The following THSD4 variants were observed in gnomAD, a reference collection of about 807,000 sequenced individuals.
THSD4 encodes thrombospondin type-1 domain-containing protein 4.
Under a neutral mutation model 119.0 loss-of-function variants are expected in THSD4, and 69 were observed. The ratio of observed to expected loss-of-function variants is 0.58; its 90% CI spans 0.48 to 0.71. THSD4 has a LOEUF of 0.71. Among genes scored for constraint, THSD4 ranks in the 30% least tolerant of loss-of-function variants. The pLI is 0.00. For missense variants in THSD4, 1,393 were observed against 1,391.1 expected (o/e 1.00, Z -0.02); for synonymous variants, 524 against 540.4 (o/e 0.97, Z 0.42).
chr15:71,680,581 G>A (rs2051752560), intron 8 of THSD4, among the ~76,000 whole-genome samples: 1 of 152,196 alleles, frequency 6.6e-6, no homozygotes, highest in Non-Finnish European at 1.5e-5. Flanking sequence ...ACAAAATCGT[G>A]CATGGCTAGG....
chr15:71,524,494 C>T (rs28579742), intron 7 of THSD4, among the ~76,000 whole-genome samples: 9,080 of 150,538 alleles, frequency 0.06, 883 homozygotes, highest in African/African-American at 0.21. Context: ...CAGGAGGCTG[C>T]GCAGGAAAGA....
intron 7 of THSD4, among the ~76,000 whole-genome samples, chr15:71,466,131 C>T (rs190854261): frequency 3.3e-5 from 5 of 151,880 alleles, no homozygotes; most frequent in East Asian, 1.9e-4. Context: ...GGGTGGATCA[C>T]GAGGTCAGGA....
At chr15:71,754,915 G>A (rs1460736690) in intron 14 of THSD4, among the ~76,000 whole-genome samples, 1 of 152,190 alleles carries the variant, frequency 6.6e-6, no homozygotes, top group Non-Finnish European at 1.5e-5. Flanking sequence ...GGGGCTTCTA[G>A]GGACAGTAAA....
At chr15:71,497,613 ACTT>A (rs1257560148) in intron 7 of THSD4, among the ~76,000 whole-genome samples, 1 of 152,042 alleles carries the variant, frequency 6.6e-6, no homozygotes, top group Non-Finnish European at 1.5e-5. Context: ...TGTAGTGCCT[ACTT>A]CTTTGTTCAA....
rs543912832 is a variant in THSD4, at chr15:71,218,646, C to T, written c.464+3247C>T. Among the ~76,000 whole-genome samples the T allele has an allele frequency of 6.2e-4, 95 of 152,236 alleles. 2 individuals carry two copies. In the South Asian group the frequency reaches 0.015, roughly 24 times the overall value. ...CTGCCTACATATGTCATGCTCCTCC[C>T]GGCTGATGAAAATCACATTTGCTTA... On this transcript the variant is annotated intron_variant, in intron 4 of 17. Transcript: ENST00000261862.
chr15:71,506,411 A>G (rs1191314848), intron 7 of THSD4, among the ~76,000 whole-genome samples: 3 of 152,166 alleles, frequency 2.0e-5, no homozygotes, highest in Admixed American at 6.5e-5. Context: ...TGTACTGTCA[A>G]GAGGAGCTTG....
At chr15:71,373,070 C>G (rs2046078911) in intron 6 of THSD4, among the ~76,000 whole-genome samples, 2 of 152,212 alleles carry the variant, frequency 1.3e-5, no homozygotes, top group Admixed American at 1.3e-4. Flanking sequence ...TCGAGAGATT[C>G]TAAGACTGGT....
At chr15:71,654,040 G>T (rs1286434578) in intron 7 of THSD4, among the ~76,000 whole-genome samples, 1 of 152,156 alleles carries the variant, frequency 6.6e-6, no homozygotes, top group Non-Finnish European at 1.5e-5. Context: ...AATATTTTAG[G>T]CTTTGTCGAC....
intron 11 of THSD4, among the ~76,000 whole-genome samples, chr15:71,738,492 A>G (rs1000776560): frequency 5.9e-5 from 9 of 152,196 alleles, no homozygotes; most frequent in African/African-American, 2.2e-4. Context: ...TGATTGGCTC[A>G]AAGGGCTTAC....
At chr15:71,741,780 C>G (rs912930627) in intron 11 of THSD4, among the ~76,000 whole-genome samples, 1 of 152,206 alleles carries the variant, frequency 6.6e-6, no homozygotes, top group Admixed American at 6.5e-5. Flanking sequence ...CTCTTCTTTA[C>G]CCAGTAAATG....
chr15:71,122,505 A>G (rs1330486606), intron 1 of THSD4, among the ~76,000 whole-genome samples: 1 of 152,164 alleles, frequency 6.6e-6, no homozygotes, highest in Admixed American at 6.5e-5. Context: ...CTCTTACAGG[A>G]TGCTCTGTCT....
At chr15:71,584,182 C>T (rs12591526) in intron 7 of THSD4, among the ~76,000 whole-genome samples, 49,346 of 149,940 alleles carry the variant, frequency 0.33, 8,635 homozygotes, top group South Asian at 0.39. Context: ...TTTGACTGTT[C>T]CTGACTTAAA....
Position 71,747,051 on chromosome 15 carries a change from G to T in THSD4, c.2241+9G>T, listed in dbSNP as rs2053353768. The T allele has an allele frequency of 3.8e-6, 6 of 1,593,422 alleles. No individual in the cohort carries two copies. Among genetic ancestry groups the T allele is most frequent in the Non-Finnish European group, 3.4e-6 (4 of 1,173,234 alleles). ...GGACCGACTGGACCTCGGTACGCAG[G>T]CAGGGCAGCCCGCTCTGCAGCTCCC... On this transcript the variant is annotated intron_variant, in intron 13 of 17. Transcript: ENST00000261862.
intron 12 of THSD4, among the ~76,000 whole-genome samples, chr15:71,745,521 C>T (rs894729233): frequency 6.6e-6 from 1 of 152,118 alleles, no homozygotes; most frequent in Non-Finnish European, 1.5e-5. Flanking sequence ...AAGCAAAAAA[C>T]GAGAAGCCAG....
chr15:71,172,725 A>G (rs1166557649), intron 3 of THSD4, among the ~76,000 whole-genome samples: 6 of 111,426 alleles, frequency 5.4e-5, no homozygotes, highest in African/African-American at 2.6e-4. Flanking sequence ...ATATATATAT[A>G]TATATATATG....
intron 1 of THSD4, among the ~76,000 whole-genome samples, chr15:71,135,364 A>T (rs76185084): frequency 6.3e-5 from 8 of 126,358 alleles, no homozygotes; most frequent in Middle Eastern, 3.6e-3. Context: ...AAAGTATAAT[A>T]AAAAAAAAAA....
intron 7 of THSD4, among the ~76,000 whole-genome samples, chr15:71,533,284 G>C (rs1217854367): frequency 6.6e-6 from 1 of 152,166 alleles, no homozygotes; most frequent in Non-Finnish European, 1.5e-5. Context: ...AAAAATCACC[G>C]TGCAGAGGTA....
At chr15:71,172,704 T>TATATATATATATGTGAC (rs2043388828) in intron 3 of THSD4, among the ~76,000 whole-genome samples, 1 of 107,732 alleles carries the variant, frequency 9.3e-6, no homozygotes, top group Non-Finnish European at 1.8e-5. Flanking sequence ...TATATATATA[T>TATATATATATATGTGAC]ATATATATAT....
At chr15:71,131,407 T>G (rs1196359222) in intron 1 of THSD4, among the ~76,000 whole-genome samples, 3 of 151,818 alleles carry the variant, frequency 2.0e-5, no homozygotes, top group Non-Finnish European at 4.4e-5. Context: ...TAAAAATCAT[T>G]TCAAAACATG....
Sources: gnomAD v4.1 joint callset for allele counts (sites outside exome capture counted in the v4.1 genomes callset) on GRCh38, gnomAD v4.1.1 for gene constraint, MANE v1.5 for transcripts, NCBI Gene and HGNC (gene_info 2026-07-23, HGNC 2026-07-21) for gene names.